Variants in TAFA2 observed in about 807,000 individuals in gnomAD.
The protein encoded by TAFA2 is TAFA chemokine like family member 2, also known as chemokine-like protein TAFA-2.
In TAFA2, 7 loss-of-function variants were observed where a neutral mutation model predicts 18.8. The observed-to-expected ratio is 0.37, with a 90% CI of 0.21 to 0.70. The LOEUF is 0.70. TAFA2 is among the 30% of genes least tolerant of loss of function. The pLI is 0.53. For synonymous variants in TAFA2, 60 were observed against 54.2 expected (o/e 1.11, Z -0.47); for missense variants, 122 against 158.1 (o/e 0.77, Z 1.23).
At chr12:61,765,837 A>AT (rs1407696688) in intron 2 of TAFA2, among the ~76,000 whole-genome samples, 1 of 152,082 alleles carries the variant, frequency 6.6e-6, no homozygotes, top group Admixed American at 6.6e-5. Context: ...CAAACTTGCC[A>AT]TTTTGTAAAA....
At chr12:62,116,349 A>G (rs1289383926) in intron 1 of TAFA2, among the ~76,000 whole-genome samples, 1 of 152,180 alleles carries the variant, frequency 6.6e-6, no homozygotes, top group Admixed American at 6.5e-5. Context: ...TGGACAGAGA[A>G]AACGTAGTGG....
intron 2 of TAFA2, among the ~76,000 whole-genome samples, chr12:61,814,710 G>A (rs919106879): frequency 2.0e-5 from 3 of 151,196 alleles, no homozygotes; most frequent in Non-Finnish European, 4.4e-5. Flanking sequence ...AGATTATTCT[G>A]GATTATCTCA....
chr12:61,931,244 A>C (rs758390335), intron 1 of TAFA2, among the ~76,000 whole-genome samples: 2 of 152,220 alleles, frequency 1.3e-5, no homozygotes, highest in Non-Finnish European at 2.9e-5. Flanking sequence ...ACTCATAATT[A>C]ATCTCTGCTA....
At chr12:62,091,462 T>C (rs11174305) in intron 1 of TAFA2, among the ~76,000 whole-genome samples, 28,231 of 151,820 alleles carry the variant, frequency 0.19, 2,871 homozygotes, top group East Asian at 0.39. Context: ...ATGTAACATA[T>C]CTCTAGGTAC....
At chr12:62,258,710 A>T in intron 1 of TAFA2, 5 of 328,150 alleles carry the variant, frequency 1.5e-5, no homozygotes, top group South Asian at 1.1e-4. Flanking sequence ...TTTATGATTC[A>T]ATTAAAGGGC....
intron 1 of TAFA2, among the ~76,000 whole-genome samples, chr12:62,239,538 T>A (rs2062852336): frequency 6.6e-6 from 1 of 152,186 alleles, no homozygotes; most frequent in Non-Finnish European, 1.5e-5. Context: ...AAGAGCAGGG[T>A]AGGAGTGATG....
chr12:61,722,884 A>G (rs1209492170), intron 4 of TAFA2, among the ~76,000 whole-genome samples: 1 of 152,092 alleles, frequency 6.6e-6, no homozygotes, highest in Non-Finnish European at 1.5e-5. Context: ...CTTTGCCACC[A>G]TCATCCTGAA....
chr12:62,101,997 A>C (rs1465486653), intron 1 of TAFA2, among the ~76,000 whole-genome samples: 1 of 152,204 alleles, frequency 6.6e-6, no homozygotes, highest in Non-Finnish European at 1.5e-5. Context: ...TCATAGAAAA[A>C]AAAAAGTGAC....
At chr12:61,750,613 C>A (rs1299108908) in intron 4 of TAFA2, among the ~76,000 whole-genome samples, 1 of 152,056 alleles carries the variant, frequency 6.6e-6, no homozygotes, top group African/African-American at 2.4e-5. Flanking sequence ...ATCACTCAGA[C>A]CCTGATTTGT....
rs570073776 is a variant in TAFA2 at position 61,984,166 on chromosome 12, A to C, written c.-1-116740T>G. Among the ~76,000 whole-genome samples the C allele has an allele frequency of 8.0e-4, 122 of 152,342 alleles. No homozygotes were observed. The South Asian group carries it at 0.024, about 29-fold the overall frequency. On this transcript the variant is annotated intron_variant, in intron 1 of 4. Transcript: ENST00000416284. ...ACACACTAAAAGCAAGGATTTTGTT[A>C]TTGTATTCACTGAGCTATCCCCAGT... is the stretch of plus-strand genomic sequence containing the variant.
intron 1 of TAFA2, among the ~76,000 whole-genome samples, chr12:62,071,920 G>C (rs992318050): frequency 4.6e-5 from 7 of 152,138 alleles, no homozygotes; most frequent in Admixed American, 6.6e-5. Context: ...TAGAACATTA[G>C]TTCTTGATGT....
chr12:61,864,540 G>T (rs1434350249), intron 2 of TAFA2, among the ~76,000 whole-genome samples: 2 of 151,266 alleles, frequency 1.3e-5, no homozygotes, highest in Admixed American at 6.6e-5. Context: ...TTGGGAGGCC[G>T]AGGCGGGCGG....
intron 1 of TAFA2, among the ~76,000 whole-genome samples, chr12:62,005,424 T>G (rs1342902878): frequency 6.6e-6 from 1 of 152,126 alleles, no homozygotes; most frequent in Non-Finnish European, 1.5e-5. Flanking sequence ...TATAGATTAT[T>G]TGTGACTTCA....
chr12:61,796,334 C>T (rs1472660207), intron 2 of TAFA2, among the ~76,000 whole-genome samples: 1 of 151,968 alleles, frequency 6.6e-6, no homozygotes, highest in Non-Finnish European at 1.5e-5. Context: ...CAATATAATA[C>T]CACTGAGAAA....
intron 4 of TAFA2, among the ~76,000 whole-genome samples, chr12:61,725,335 T>C (rs529064292): frequency 2.0e-5 from 3 of 152,100 alleles, no homozygotes; most frequent in South Asian, 4.1e-4. Context: ...TGCTTTTGGG[T>C]TCTTTGTCGT....
At chr12:61,785,071 T>C (rs1227409915) in intron 2 of TAFA2, among the ~76,000 whole-genome samples, 2 of 151,578 alleles carry the variant, frequency 1.3e-5, no homozygotes, top group Non-Finnish European at 3.0e-5. Context: ...TATCTATCTA[T>C]AATTGTGTAT....
chr12:61,759,952 T>C (rs1187533912), intron 2 of TAFA2, among the ~76,000 whole-genome samples: 2 of 151,090 alleles, frequency 1.3e-5, no homozygotes, highest in Non-Finnish European at 3.0e-5. Context: ...CAATGGAGAG[T>C]AGGGAAAGAG....
intron 1 of TAFA2, among the ~76,000 whole-genome samples, chr12:61,963,854 C>A (rs1427978744): frequency 6.6e-6 from 1 of 151,994 alleles, no homozygotes; most frequent in Non-Finnish European, 1.5e-5. Context: ...ATAACCAAAA[C>A]AGCATGGTAC....
chr12:62,146,834 A>G (rs1159681297), intron 1 of TAFA2, among the ~76,000 whole-genome samples: 1 of 152,232 alleles, frequency 6.6e-6, no homozygotes, highest in East Asian at 1.9e-4. Flanking sequence ...ATAGCCTCTA[A>G]CCTGATAATC....
Sources: allele counts gnomAD v4.1 joint callset (sites outside exome capture counted in the v4.1 genomes callset), GRCh38; gene constraint gnomAD v4.1.1; transcripts MANE v1.5; gene names NCBI Gene and HGNC (gene_info 2026-07-23, HGNC 2026-07-21).